ZMYM6: variants seen among roughly 807,000 people sequenced by gnomAD.
ZMYM6 encodes zinc finger MYM-type protein 6.
ZMYM6 carries 90 observed loss-of-function variants against 134.0 expected under a neutral mutation model. That is an observed-to-expected ratio of 0.67 (90% CI 0.57 to 0.80). The LOEUF (loss-of-function observed/expected upper bound fraction) is 0.80. ZMYM6 is among the 30% of genes least tolerant of loss of function. The pLI, the probability that ZMYM6 is intolerant of heterozygous loss-of-function variation, is 0.00. For missense variants in ZMYM6, 1,362 were observed against 1,533.9 expected (o/e 0.89, Z 1.87); for synonymous variants, 481 against 524.1 (o/e 0.92, Z 1.12).
In ZMYM6 at chr1:35,010,913, C is replaced by A; in HGVS notation, c.1186G>T (p.Val396Phe). ...GAGCCACGGATGGAGCTGGGGGAAA[C>A]GGCAGAGGTGTTACCTCCTCCTATT... Reference protein sequence around the residue: ...VSIGGGNTSAVSPSSIRGSAA... With the variant: ...VSIGGGNTSAFSPSSIRGSAA... The change falls in exon 9 of 16, where the codon GTT (valine) becomes TTT (phenylalanine). Residue 396 changes from valine (V) to phenylalanine (F), a missense_variant. By Grantham distance (50) the Val-to-Phe change is conservative. Coordinates refer to ENST00000357182, the MANE Select transcript of ZMYM6 (RefSeq NM_007167.4). 1 of 1,613,036 alleles carries A rather than the reference C, an allele frequency of 6.2e-7. No homozygotes were observed. Among genetic ancestry groups the A allele is most frequent in the Non-Finnish European group, 8.5e-7 (1 of 1,179,658 alleles).
At chr1:35,026,006 G>A (rs1641407542) in intron 2 of ZMYM6, among the ~76,000 whole-genome samples, 1 of 152,056 alleles carries the variant, frequency 6.6e-6, no homozygotes, top group African/African-American at 2.4e-5. Context: ...CAACATATAT[G>A]AATATAAGGA....
At chr1:35,023,565 A>G (rs188327396) in intron 2 of ZMYM6, among the ~76,000 whole-genome samples, 12 of 150,732 alleles carry the variant, frequency 8.0e-5, no homozygotes, top group African/African-American at 2.9e-4. Flanking sequence ...TGAAGAGGAC[A>G]TTAAAAATAT....
At chr1:34,995,649 G>A (rs1341845699) in intron 14 of ZMYM6, among the ~76,000 whole-genome samples, 1 of 152,112 alleles carries the variant, frequency 6.6e-6, no homozygotes, top group Non-Finnish European at 1.5e-5. Context: ...ATGCTAGACA[G>A]AGATGATTTA....
In ZMYM6 at chr1:35,019,358, G is replaced by A; in HGVS notation, c.423C>T (p.Cys141=). The part of the protein sequence containing the change: ...PPPPKKTCTN[C]SKDILNPKDV... ...GGATGTTAAGAATTTTATACTTCGAGCAGTTTGTGCAGGTTTTCTTGGGAG... is the reference window on the plus strand; with the variant it reads ...GGATGTTAAGAATTTTATACTTCGAACAGTTTGTGCAGGTTTTCTTGGGAG... Residue 141 remains cysteine (C), a synonymous_variant, in exon 4 of 16, where the codon TGC becomes TGT. Transcript: ENST00000357182. 1 of 1,614,182 alleles carries A rather than the reference G, an allele frequency of 6.2e-7. No homozygotes were observed. The highest frequency in any genetic ancestry group is 8.5e-7 in the Non-Finnish European group (1 of 1,180,040).
At chr1:35,009,813 G>A (rs1188868579) in intron 10 of ZMYM6, among the ~76,000 whole-genome samples, 1 of 151,990 alleles carries the variant, frequency 6.6e-6, no homozygotes, top group East Asian at 1.9e-4. Context: ...GCACGCTCCT[G>A]TAGCTTCAGC....
chr1:35,010,412 C>T, intron 10 of ZMYM6, 35 bp downstream of exon 10: 1 of 1,591,566 alleles, frequency 6.3e-7, no homozygotes, highest in Non-Finnish European at 8.5e-7. Flanking sequence ...ATTATAACAA[C>T]CCATGCTCTG....
At position 34,987,583 on chromosome 1, in the gene ZMYM6, G is replaced by A. The variant is rs1640597900; in HGVS notation, c.3499C>T (p.Pro1167Ser). ...GAATTTGAGAATTCAGAAAATGAAG[G>A]GAACATGTCATAATCATTCTCTTGT... ...RTQENDYDMF[P>S]SFSEFSNSSG... The change falls in exon 16 of 16, where the codon CCT (proline) becomes TCT (serine). Residue 1167 changes from proline to serine, a missense_variant. Coordinates refer to ENST00000357182, the MANE Select transcript of ZMYM6 (RefSeq NM_007167.4). The A allele has an allele frequency of 6.2e-7, 1 of 1,613,538 alleles. No homozygotes were observed. The highest frequency in any genetic ancestry group is 8.5e-7 in the Non-Finnish European group (1 of 1,179,766).
Position 35,010,935 on chromosome 1 carries a change from T to C in ZMYM6, c.1164A>G (p.Ile388Met). The change falls in exon 9 of 16, where the codon ATA (isoleucine) becomes ATG (methionine). Residue 388 changes from isoleucine to methionine, a missense_variant. Physicochemically the swap from Ile to Met is conservative, Grantham distance 10. This residue lies in a region of ZMYM6 where 503 missense variants were observed against 520.8 expected (regional missense o/e 0.97). Coordinates refer to ENST00000357182, the MANE Select transcript of ZMYM6 (RefSeq NM_007167.4). ...AAACGGCAGAGGTGTTACCTCCTCC[T>C]ATTGACACTGCTGACCTGGAGGAGG... Reference protein sequence around the residue: ...SPPSSRSAVSIGGGNTSAVSP... With the variant: ...SPPSSRSAVSMGGGNTSAVSP... 1 of 1,612,814 alleles carries C rather than the reference T, an allele frequency of 6.2e-7. No individual in the cohort carries two copies. Among genetic ancestry groups the C allele is most frequent in the South Asian group, 1.1e-5 (1 of 90,836 alleles).
intron 2 of ZMYM6, among the ~76,000 whole-genome samples, chr1:35,026,862 A>C (rs1641423379): frequency 6.6e-6 from 1 of 152,210 alleles, no homozygotes; most frequent in African/African-American, 2.4e-5. Context: ...ATTCAGGTCA[A>C]TAAGACCAAT....
chr1:35,010,653 G>T, intron 9 of ZMYM6, 56 bp from the exon 10 acceptor site: 2 of 1,555,920 alleles, frequency 1.3e-6, no homozygotes, highest in Non-Finnish European at 8.6e-7. Context: ...TTATCTTTAA[G>T]AACTCCTTTT....
At chr1:35,029,434 G>A (rs1371722462) in intron 2 of ZMYM6, among the ~76,000 whole-genome samples, 2 of 151,736 alleles carry the variant, frequency 1.3e-5, no homozygotes, top group Non-Finnish European at 2.9e-5. Context: ...TGTAAAATGG[G>A]GATAATAATA....
Position 35,003,787 on chromosome 1 carries a change from C to T in ZMYM6, c.1992+181G>A, listed in dbSNP as rs985249220. Reference sequence around the variant, plus strand: ...CATCTTCAAAAACAGTAATTGCTGCCGAAATATGGTCAAAAGCCTATGCCA... The same window carrying T: ...CATCTTCAAAAACAGTAATTGCTGCTGAAATATGGTCAAAAGCCTATGCCA... On this transcript the variant is annotated intron_variant, in intron 14 of 15. Coordinates refer to ENST00000357182, the MANE Select transcript of ZMYM6 (RefSeq NM_007167.4). 1.0e-4 allele frequency: 58 copies of T among 560,240 alleles called. 1 individual carries two copies. Among genetic ancestry groups the T allele is most frequent in the Middle Eastern group, 3.4e-4 (1 of 2,972 alleles). The allele number at this position is 560,240 out of a possible 1,614,324, so 34.7% of individuals were successfully genotyped here.
intron 14 of ZMYM6, among the ~76,000 whole-genome samples, chr1:34,995,880 C>T (rs945253102): frequency 6.6e-6 from 1 of 152,168 alleles, no homozygotes; most frequent in Non-Finnish European, 1.5e-5. Context: ...GAACCTTGCT[C>T]TTGTCACTTA....
intron 2 of ZMYM6, among the ~76,000 whole-genome samples, chr1:35,028,977 G>A (rs932875754): frequency 1.3e-5 from 2 of 151,686 alleles, no homozygotes; most frequent in Admixed American, 6.6e-5. Context: ...GATCACCTGA[G>A]GTCAGGAGTT....
intron 2 of ZMYM6, among the ~76,000 whole-genome samples, chr1:35,028,527 TCTCA>T (rs1641456990): frequency 6.6e-6 from 1 of 150,768 alleles, no homozygotes; most frequent in African/African-American, 2.4e-5. Context: ...TGAGACGGAG[TCTCA>T]CTCTGTCACC....
chr1:35,011,096 TTTTCA>T (rs1641076480), intron 8 of ZMYM6, 60 bp from the exon 9 acceptor site: 4 of 1,508,272 alleles, frequency 2.7e-6, no homozygotes, highest in South Asian at 1.3e-5. Flanking sequence ...AACTTTGTAC[TTTTCA>T]TTTCCTCATT....
intron 14 of ZMYM6, among the ~76,000 whole-genome samples, chr1:35,001,221 A>G (rs1039376367): frequency 2.0e-5 from 3 of 151,124 alleles, no homozygotes. Flanking sequence ...AGGGAGATTC[A>G]CAACAAAGTT....
chr1:35,017,456 A>G (rs1164157081), intron 4 of ZMYM6: 4 of 152,226 alleles, frequency 2.6e-5, no homozygotes, highest in Non-Finnish European at 4.4e-5. Context: ...GCAAGTAAAA[A>G]TATGTAAATC....
intron 13 of ZMYM6, among the ~76,000 whole-genome samples, chr1:35,004,473 G>C (rs1640930589): frequency 6.6e-6 from 1 of 152,124 alleles, no homozygotes; most frequent in African/African-American, 2.4e-5. Context: ...GCTGGGTGTA[G>C]TGGCAGGCAC....
Sources: gnomAD v4.1 joint callset for allele counts (sites outside exome capture counted in the v4.1 genomes callset) on GRCh38, gnomAD v4.1.1 for gene constraint, gnomAD v4.1.1 regional missense constraint, MANE v1.5 for transcripts, NCBI Gene and HGNC (gene_info 2026-07-23, HGNC 2026-07-21) for gene names.